The following WDPCP variants were observed in gnomAD, a reference collection of about 807,000 sequenced individuals.
The protein encoded by WDPCP is WD repeat containing planar cell polarity effector.
A neutral mutation model predicts 93.1 loss-of-function variants in WDPCP; 71 were observed. The ratio of observed to expected loss-of-function variants is 0.76; its 90% CI spans 0.63 to 0.93. The LOEUF is 0.93. WDPCP is among the 40% of genes least tolerant of loss of function. WDPCP has a pLI of 0.00. For synonymous variants in WDPCP, 315 were observed against 315.0 expected (o/e 1.00, Z 0.00); for missense variants, 844 against 887.4 (o/e 0.95, Z 0.62).
intron 1 of WDPCP, among the ~76,000 whole-genome samples, chr2:63,527,999 T>C (rs574361966): frequency 7.9e-5 from 12 of 152,226 alleles, no homozygotes; most frequent in Admixed American, 3.3e-4. Context: ...CATGTGTCTG[T>C]TGGCTGCATA....
intron 6 of WDPCP, among the ~76,000 whole-genome samples, chr2:63,475,285 T>C (rs1699912494): frequency 6.6e-6 from 1 of 152,042 alleles, no homozygotes; most frequent in Non-Finnish European, 1.5e-5. Context: ...TGATGGTACA[T>C]TTCCCCTGAC....
At chr2:63,799,764 G>A (rs913505926) in intron 2 of WDPCP, among the ~76,000 whole-genome samples, 7 of 152,060 alleles carry the variant, frequency 4.6e-5, no homozygotes, top group African/African-American at 1.7e-4. Context: ...TATCCCCTAG[G>A]CTAGTAGTTT....
intron 14 of WDPCP, among the ~76,000 whole-genome samples, chr2:63,251,096 G>T (rs1680675228): frequency 6.6e-6 from 1 of 152,098 alleles, no homozygotes; most frequent in Admixed American, 6.6e-5. Flanking sequence ...CCCAAAGATA[G>T]CAGAAGAAAT....
intron 1 of WDPCP, among the ~76,000 whole-genome samples, chr2:63,536,495 T>C (rs1236255713): frequency 1.3e-5 from 2 of 151,912 alleles, no homozygotes; most frequent in East Asian, 1.9e-4. Flanking sequence ...ATCAAGAAAA[T>C]GTGGCACATA....
intron 2 of WDPCP, among the ~76,000 whole-genome samples, chr2:63,674,332 T>C (rs1395250338): frequency 6.6e-6 from 1 of 152,074 alleles, no homozygotes; most frequent in Non-Finnish European, 1.5e-5. Context: ...AACAAACTGG[T>C]TCAAAGTTTA....
intron 6 of WDPCP, chr2:63,441,071 A>C (rs1697469854): frequency 6.6e-6 from 1 of 152,116 alleles, no homozygotes; most frequent in African/African-American, 2.4e-5. Context: ...AGTCACCAGA[A>C]AGCTTACCTT....
chr2:63,561,402 C>A (rs377745904), intron 1 of WDPCP, among the ~76,000 whole-genome samples: 1 of 151,812 alleles, frequency 6.6e-6, no homozygotes, highest in East Asian at 1.9e-4. Flanking sequence ...TGCTTGAACC[C>A]GGGAGGCGGA....
At chr2:63,604,656 C>A in intron 3 of WDPCP, 2 of 1,526,766 alleles carry the variant, frequency 1.3e-6, no homozygotes, top group African/African-American at 1.4e-5. Context: ...GAAATAAAAA[C>A]CATTTGTCTC....
chr2:63,220,227 T>C (rs762758235), intron 14 of WDPCP, among the ~76,000 whole-genome samples: 4 of 152,212 alleles, frequency 2.6e-5, no homozygotes, highest in Non-Finnish European at 4.4e-5. Flanking sequence ...ATTCCCATTA[T>C]CATCAATTTC....
chr2:63,170,977 T>G (rs1278113169), intron 15 of WDPCP, among the ~76,000 whole-genome samples: 2 of 152,096 alleles, frequency 1.3e-5, no homozygotes, highest in Non-Finnish European at 2.9e-5. Flanking sequence ...AAATGAGTTT[T>G]TTTTCTTCCT....
intron 10 of WDPCP, among the ~76,000 whole-genome samples, chr2:63,391,965 G>A (rs7587718): frequency 0.14 from 21,244 of 152,082 alleles, 1,912 homozygotes; most frequent in Admixed American, 0.24. Context: ...ACTGCCCAAG[G>A]TAATTTATAG....
chr2:63,367,259 C>A (rs1437582087), intron 12 of WDPCP, among the ~76,000 whole-genome samples: 1 of 151,874 alleles, frequency 6.6e-6, no homozygotes, highest in East Asian at 1.9e-4. Context: ...ACAATTAAAA[C>A]AACAAGATGC....
chr2:63,714,180 C>T (rs1270292367), intron 2 of WDPCP, among the ~76,000 whole-genome samples: 1 of 151,574 alleles, frequency 6.6e-6, no homozygotes, highest in Admixed American at 6.6e-5. Context: ...CTGAGCCTCC[C>T]GAGTAGCTGG....
intron 1 of WDPCP, among the ~76,000 whole-genome samples, chr2:63,501,802 G>C (rs1218801589): frequency 6.6e-6 from 1 of 152,118 alleles, no homozygotes; most frequent in Non-Finnish European, 1.5e-5. Context: ...TTTTAATAGA[G>C]ACAGCATTTC....
At chr2:63,690,494 C>T (rs527783519) in intron 2 of WDPCP, among the ~76,000 whole-genome samples, 4 of 152,160 alleles carry the variant, frequency 2.6e-5, no homozygotes, top group Non-Finnish European at 5.9e-5. Context: ...GTGACCCATG[C>T]CTGTAATCCC....
At chr2:63,600,061 G>A (rs1253559342) in intron 3 of WDPCP, 2 of 152,060 alleles carry the variant, frequency 1.3e-5, no homozygotes, top group African/African-American at 2.4e-5. Context: ...TGCTAGATAG[G>A]TCTATGAGTT....
At chr2:63,839,334 C>A in the WDPCP span, among the ~76,000 whole-genome samples, 2 of 152,088 alleles carry the variant, frequency 1.3e-5, no homozygotes, top group Admixed American at 6.5e-5. Context: ...CTGAGGCAGG[C>A]GGATCACAAG....
intron 2 of WDPCP, among the ~76,000 whole-genome samples, chr2:63,716,905 G>A (rs1420955500): frequency 3.9e-5 from 6 of 152,228 alleles, no homozygotes; most frequent in Admixed American, 6.5e-5. Flanking sequence ...CAGAACTGAC[G>A]TTAGGAGTAC....
intron 13 of WDPCP, among the ~76,000 whole-genome samples, chr2:63,263,534 C>T (rs1420450848): frequency 6.6e-6 from 1 of 152,124 alleles, no homozygotes; most frequent in Non-Finnish European, 1.5e-5. Flanking sequence ...CAGCACCATG[C>T]TCTCAGACTT....
Sources: gnomAD v4.1 joint callset for allele counts (sites outside exome capture counted in the v4.1 genomes callset) on GRCh38, gnomAD v4.1.1 for gene constraint, MANE v1.5 for transcripts, NCBI Gene and HGNC (gene_info 2026-07-23, HGNC 2026-07-21) for gene names.